The following RBFOX1 variants were observed in gnomAD, a reference collection of about 807,000 sequenced individuals.
RBFOX1 encodes the protein RNA binding protein fox-1 homolog 1.
Under a neutral mutation model 57.7 loss-of-function variants are expected in RBFOX1, and 8 were observed. The observed-to-expected ratio is 0.14, with a 90% confidence interval of 0.08 to 0.25. The LOEUF is 0.25. RBFOX1 is among the 10% of genes least tolerant of loss of function. The probability of loss-of-function intolerance (pLI) is 1.00; values close to 1 mark genes in which losing one functional copy is unlikely to be tolerated. For synonymous variants in RBFOX1, 326 were observed against 222.4 expected (o/e 1.47, Z -4.15); for missense variants, 611 against 548.5 (o/e 1.11, Z -1.14).
intron 2 of RBFOX1, among the ~76,000 whole-genome samples, chr16:6,570,664 A>C (rs922224719): frequency 6.6e-6 from 1 of 152,230 alleles, no homozygotes; most frequent in Non-Finnish European, 1.5e-5. Context: ...TTGGCTAAAA[A>C]TTATCAGTCA....
intron 5 of RBFOX1, among the ~76,000 whole-genome samples, chr16:7,579,011 T>C (rs935903500): frequency 6.6e-6 from 1 of 152,208 alleles, no homozygotes; most frequent in Admixed American, 6.5e-5. Context: ...AACAGCACTT[T>C]CTGCAGAGAT....
In RBFOX1 at chr16:6,999,207, TTTTTATTTATTTTTTTTA is replaced by T. The variant is rs1568299846; in HGVS notation, c.-15-52846_-15-52829del. Reference sequence around the variant, plus strand: ...TTATTTTATTTTATTTTATTTTTTATTTTTATTTATTTTTTTTATTTATTTTTTTTTTTAGAGATCAGG... The same window carrying T: ...TTATTTTATTTTATTTTATTTTTTATTTTATTTTTTTTTTTAGAGATCAGG... On this transcript the variant is annotated intron_variant, in intron 3 of 15. Transcript: ENST00000550418. 4.4e-4 allele frequency among the ~76,000 whole-genome samples: 42 copies of T among 95,894 alleles called. 1 individual carries two copies. The highest frequency in any genetic ancestry group is 2.4e-3 in the South Asian group (6 of 2,456). 62.9% of individuals were successfully genotyped at this position (95,894 alleles called of 152,430 possible).
chr16:5,500,509 A>G (rs1359171731), intron 2 of RBFOX1, among the ~76,000 whole-genome samples: 1 of 152,148 alleles, frequency 6.6e-6, no homozygotes, highest in African/African-American at 2.4e-5. Context: ...GGTGTGAGCC[A>G]TCATGCCTGG....
At chr16:5,911,833 T>C (rs1022835585) in intron 4 of RBFOX1, among the ~76,000 whole-genome samples, 1 of 152,062 alleles carries the variant, frequency 6.6e-6, no homozygotes, top group African/African-American at 2.4e-5. Flanking sequence ...AGGCCACTCA[T>C]CTCAACCATG....
intron 5 of RBFOX1, among the ~76,000 whole-genome samples, chr16:7,531,122 C>T (rs2079959022): frequency 6.6e-6 from 1 of 152,028 alleles, no homozygotes; most frequent in African/African-American, 2.4e-5. Context: ...AGTGAAAAGG[C>T]AATTTTCTTG....
intron 1 of RBFOX1, among the ~76,000 whole-genome samples, chr16:6,221,448 A>G (rs1482503529): frequency 6.6e-6 from 1 of 152,216 alleles, no homozygotes; most frequent in East Asian, 1.9e-4. Context: ...CCATGAGTAA[A>G]AGCACTCTGT....
At chr16:6,407,540 GGTGTGTGTGT>G (rs71406372) in intron 2 of RBFOX1, among the ~76,000 whole-genome samples, 1 of 53,912 alleles carries the variant, frequency 1.9e-5, no homozygotes, top group Non-Finnish European at 3.5e-5. Flanking sequence ...GAAGGAGAGG[GGTGTGTGTGT>G]GTGTGTGTGT....
chr16:6,851,554 G>A (rs1390009277), intron 3 of RBFOX1, among the ~76,000 whole-genome samples: 1 of 152,042 alleles, frequency 6.6e-6, no homozygotes, highest in African/African-American at 2.4e-5. Context: ...TTAAATATTT[G>A]TGTTCTCCTC....
At chr16:6,821,695 A>G (rs1603628907) in intron 3 of RBFOX1, among the ~76,000 whole-genome samples, 1 of 152,200 alleles carries the variant, frequency 6.6e-6, no homozygotes, top group Non-Finnish European at 1.5e-5. Flanking sequence ...ATTAATTCAC[A>G]TGATAGCCTG....
At chr16:5,404,142 G>C (rs1478794366) in intron 1 of RBFOX1, among the ~76,000 whole-genome samples, 1 of 151,900 alleles carries the variant, frequency 6.6e-6, no homozygotes, top group Admixed American at 6.6e-5. Context: ...CTGGAGACTT[G>C]GAGGGGTGAG....
intron 2 of RBFOX1, among the ~76,000 whole-genome samples, chr16:6,518,872 G>T (rs1043549165): frequency 1.3e-5 from 2 of 150,966 alleles, no homozygotes; most frequent in Middle Eastern, 3.2e-3. Flanking sequence ...AGTAGCAAAC[G>T]TGCCCCGTTC....
At chr16:7,330,655 T>G (rs1375675458) in intron 4 of RBFOX1, among the ~76,000 whole-genome samples, 1 of 152,098 alleles carries the variant, frequency 6.6e-6, no homozygotes, top group African/African-American at 2.4e-5. Context: ...GGGATATAGT[T>G]ACCTCTCTTC....
At chr16:6,175,504 G>C (rs544837990) in intron 1 of RBFOX1, among the ~76,000 whole-genome samples, 2 of 151,792 alleles carry the variant, frequency 1.3e-5, no homozygotes, top group East Asian at 3.9e-4. Context: ...TCTGTAGGTC[G>C]GGGGGGTGGG....
intron 14 of RBFOX1, among the ~76,000 whole-genome samples, chr16:7,699,761 C>T (rs576962750): frequency 1.3e-5 from 2 of 151,562 alleles, no homozygotes; most frequent in East Asian, 1.9e-4. Flanking sequence ...TAAAATGTTA[C>T]TGTAAAATTT....
At chr16:7,324,976 G>C (rs1410603880) in intron 4 of RBFOX1, among the ~76,000 whole-genome samples, 1 of 152,034 alleles carries the variant, frequency 6.6e-6, no homozygotes, top group South Asian at 2.1e-4. Context: ...TTAATTCCTG[G>C]GTCTTAGTTT....
At chr16:6,491,492 A>C (rs2095631928) in intron 2 of RBFOX1, among the ~76,000 whole-genome samples, 1 of 152,248 alleles carries the variant, frequency 6.6e-6, no homozygotes, top group South Asian at 2.1e-4. Context: ...TTCAGGATTC[A>C]CATTCTGCTG....
intron 2 of RBFOX1, among the ~76,000 whole-genome samples, chr16:5,539,307 A>G (rs1387813630): frequency 6.6e-6 from 1 of 152,050 alleles, no homozygotes; most frequent in African/African-American, 2.4e-5. Context: ...CAAGGGAGTG[A>G]TGGGGCCAGC....
At chr16:7,548,273 G>C (rs7185398) in intron 5 of RBFOX1, among the ~76,000 whole-genome samples, 1 of 151,868 alleles carries the variant, frequency 6.6e-6, no homozygotes, top group African/African-American at 2.4e-5. Flanking sequence ...CTGGGTTCAC[G>C]TGCCTCCTGA....
At chr16:6,193,522 C>T (rs2097160874) in intron 1 of RBFOX1, among the ~76,000 whole-genome samples, 1 of 148,792 alleles carries the variant, frequency 6.7e-6, no homozygotes, top group Non-Finnish European at 1.5e-5. Context: ...GAGCAAGTCA[C>T]ATAACCCTGG....
Sources: gnomAD v4.1 joint callset for allele counts (sites outside exome capture counted in the v4.1 genomes callset) on GRCh38, gnomAD v4.1.1 for gene constraint, MANE v1.5 for transcripts, NCBI Gene and HGNC (gene_info 2026-07-23, HGNC 2026-07-21) for gene names.